Variants in XCR1 observed in about 807,000 individuals in gnomAD.
The protein encoded by XCR1 is X-C motif chemokine receptor 1.
For synonymous variants in XCR1, 187 were observed against 188.5 expected (o/e 0.99, Z 0.06); for missense variants, 356 against 424.2 (o/e 0.84, Z 1.41).
intron 4 of XCR1, among the ~76,000 whole-genome samples, chr3:46,063,393 A>G (rs895150110): frequency 2.6e-5 from 4 of 152,198 alleles, no homozygotes; most frequent in African/African-American, 9.6e-5. Flanking sequence ...GCAGAGGAAC[A>G]TGGTTACTTT....
chr3:46,030,537 A>T (rs76356863), upstream of XCR1, among the ~76,000 whole-genome samples: 3,515 of 152,388 alleles, frequency 0.023, 65 homozygotes, highest in Non-Finnish European at 0.034. Flanking sequence ...TGTATAAAAA[A>T]GTATTTTATA....
intron 4 of XCR1, among the ~76,000 whole-genome samples, chr3:46,055,681 A>G (rs1697837753): frequency 6.6e-6 from 1 of 152,208 alleles, no homozygotes; most frequent in Non-Finnish European, 1.5e-5. Flanking sequence ...TGCATCAGGC[A>G]ATGAACCTAT....
At chr3:46,049,476 C>T (rs145308497) in intron 5 of XCR1, among the ~76,000 whole-genome samples, 20 of 152,212 alleles carry the variant, frequency 1.3e-4, no homozygotes, top group African/African-American at 3.9e-4. Flanking sequence ...TGCATGAGAG[C>T]GAATAACTTG....
At chr3:46,022,166 T>G in intron 1 of XCR1, 188 bp from the exon 2 acceptor site, 5 of 498,898 alleles carry the variant, frequency 1.0e-5, no homozygotes, top group Admixed American at 3.7e-5. Flanking sequence ...CCGGGTGTGG[T>G]GGCGCATGCC....
In XCR1 at chr3:46,034,663, G is replaced by A. The variant is rs149947374; in HGVS notation, c.-31-12685C>T. 3.2e-3 allele frequency among the ~76,000 whole-genome samples: 491 copies of A among 152,242 alleles called. 5 individuals carry two copies. The highest frequency in any genetic ancestry group is 0.011 in the African/African-American group (474 of 41,556). Reference sequence around the variant, plus strand: ...CGTGCATATATTGCATAATGGTGAAGTCAGGGTTTTTATGATATATACCAC... The same window carrying A: ...CGTGCATATATTGCATAATGGTGAAATCAGGGTTTTTATGATATATACCAC... On this transcript the variant is annotated intron_variant, in intron 5 of 5. Coordinates refer to the XCR1 transcript ENST00000683768.
At chr3:46,055,781 G>A (rs1697839761) in intron 4 of XCR1, among the ~76,000 whole-genome samples, 2 of 152,072 alleles carry the variant, frequency 1.3e-5, no homozygotes, top group Admixed American at 1.3e-4. Context: ...CCAGCAGTAG[G>A]GCCCATGTGG....
upstream of XCR1, among the ~76,000 whole-genome samples, chr3:46,031,198 CAGGCAGG>C (rs1708388278): frequency 6.6e-6 from 1 of 152,230 alleles, no homozygotes; most frequent in African/African-American, 2.4e-5. Context: ...GAGCTAGGAA[CAGGCAGG>C]AGCCCCGCCC....
chr3:46,038,468 T>A (rs1180260670), intron 5 of XCR1, among the ~76,000 whole-genome samples: 1 of 152,226 alleles, frequency 6.6e-6, no homozygotes, highest in African/African-American at 2.4e-5. Context: ...TATGTATACA[T>A]CTCTATAAAA....
intron 5 of XCR1, among the ~76,000 whole-genome samples, chr3:46,037,992 G>A (rs565973459): frequency 6.6e-6 from 1 of 151,666 alleles, no homozygotes; most frequent in African/African-American, 2.4e-5. Context: ...CTGTGCACCA[G>A]GAATAAAATA....
chr3:46,068,510 G>A (rs1450699264), intron 3 of XCR1, among the ~76,000 whole-genome samples: 1 of 152,122 alleles, frequency 6.6e-6, no homozygotes, highest in Non-Finnish European at 1.5e-5. Flanking sequence ...GAGCAGTGAT[G>A]GTGGGAAGTT....
At chr3:46,053,496 G>A (rs1440968605) in intron 5 of XCR1, among the ~76,000 whole-genome samples, 1 of 152,124 alleles carries the variant, frequency 6.6e-6, no homozygotes, top group Non-Finnish European at 1.5e-5. Flanking sequence ...TTTTCAATTG[G>A]AGCTGTGGGT....
chr3:46,038,502 T>C (rs1697477001), intron 5 of XCR1, among the ~76,000 whole-genome samples: 1 of 152,356 alleles, frequency 6.6e-6, no homozygotes, highest in Middle Eastern at 3.4e-3. Flanking sequence ...TAGTTTGCAA[T>C]TGAAGGCTTT....
intron 1 of XCR1, among the ~76,000 whole-genome samples, chr3:46,026,419 A>C (rs1298444566): frequency 6.6e-6 from 1 of 152,156 alleles, no homozygotes; most frequent in Non-Finnish European, 1.5e-5. Context: ...AATATAATTT[A>C]GATTGAGAAA....
In XCR1 at chr3:46,019,577, G is replaced by A. The variant is rs1168029307; in HGVS notation, c.*1369C>T. 6.6e-6 allele frequency: 1 copy of A among 152,226 alleles called. No homozygotes were observed. The highest frequency in any genetic ancestry group is 1.5e-5 in the Non-Finnish European group (1 of 68,062). 9.4% of individuals were successfully genotyped at this position (152,226 alleles called of 1,614,324 possible). A position where few individuals can be genotyped will look rare whatever the true frequency, so the allele number is the denominator to read the frequency against. ...ATGTTCCAGGCCCAGGTGACAGCATGACAAATGCCTAGAGGTAGGGTACTG... is the reference window on the plus strand; with the variant it reads ...ATGTTCCAGGCCCAGGTGACAGCATAACAAATGCCTAGAGGTAGGGTACTG... On this transcript the variant is annotated 3_prime_UTR_variant, in exon 2 of 2. Coordinates refer to ENST00000309285, the MANE Select transcript of XCR1 (RefSeq NM_001024644.2).
intron 5 of XCR1, among the ~76,000 whole-genome samples, chr3:46,047,603 G>A (rs1385491964): frequency 6.6e-6 from 1 of 152,166 alleles, no homozygotes; most frequent in African/African-American, 2.4e-5. Context: ...CCCAGATGTT[G>A]CTATTCATAA....
intron 1 of XCR1, among the ~76,000 whole-genome samples, chr3:46,077,143 C>G (rs766979817): frequency 6.6e-6 from 1 of 152,116 alleles, no homozygotes; most frequent in Non-Finnish European, 1.5e-5. Context: ...CTCATATCCT[C>G]TAGCTCAGGG....
chr3:46,076,307 A>G (rs1698259170), intron 2 of XCR1, among the ~76,000 whole-genome samples: 2 of 152,200 alleles, frequency 1.3e-5, no homozygotes, highest in South Asian at 4.1e-4. Flanking sequence ...AACCCCTTGT[A>G]TTCTTCTGGC....
chr3:46,067,467 T>A (rs986877575), intron 3 of XCR1, among the ~76,000 whole-genome samples: 1 of 152,154 alleles, frequency 6.6e-6, no homozygotes, highest in Non-Finnish European at 1.5e-5. Flanking sequence ...TGGATTGAGA[T>A]GAGTTGGGCT....
At chr3:46,048,752 T>C (rs962649878) in intron 5 of XCR1, among the ~76,000 whole-genome samples, 1 of 152,198 alleles carries the variant, frequency 6.6e-6, no homozygotes, top group Non-Finnish European at 1.5e-5. Flanking sequence ...CACTTGCCAA[T>C]GTCTTTTTGC....
Sources: gnomAD v4.1 joint callset for allele counts (sites outside exome capture counted in the v4.1 genomes callset) on GRCh38, gnomAD v4.1.1 for gene constraint, MANE v1.5 for transcripts, NCBI Gene and HGNC (gene_info 2026-07-23, HGNC 2026-07-21) for gene names.